The following ST18 variants were observed in gnomAD, a reference collection of about 807,000 sequenced individuals.
ST18 encodes the protein ST18 C2H2C-type zinc finger transcription factor.
ST18 carries 50 observed loss-of-function variants against 110.0 expected under a neutral mutation model. The observed-to-expected ratio is 0.45, with a 90% CI of 0.36 to 0.58. The LOEUF (loss-of-function observed/expected upper bound fraction) is 0.58. Among genes scored for constraint, ST18 ranks in the 20% least tolerant of loss-of-function variants. The pLI is 0.00. For synonymous variants in ST18, 461 were observed against 452.4 expected, an observed-to-expected ratio of 1.02 and a Z score of -0.24; for missense variants, 1,306 against 1,280.1, an observed-to-expected ratio of 1.02 and a Z score of -0.31.
chr8:52,392,320 G>C (rs1250496700), intron 2 of ST18, among the ~76,000 whole-genome samples: 2 of 152,082 alleles, frequency 1.3e-5, no homozygotes, highest in African/African-American at 4.8e-5. Flanking sequence ...TGGTGGTGGT[G>C]TTGGTGGTAG....
At chr8:52,169,506 T>C (rs1421859158) in intron 10 of ST18, among the ~76,000 whole-genome samples, 1 of 152,160 alleles carries the variant, frequency 6.6e-6, no homozygotes, top group Non-Finnish European at 1.5e-5. Flanking sequence ...ATCTGAAAGC[T>C]GGGGTAAAAT....
intron 2 of ST18, among the ~76,000 whole-genome samples, chr8:52,286,041 A>T (rs952387333): frequency 6.6e-6 from 1 of 152,200 alleles, no homozygotes; most frequent in Admixed American, 6.5e-5. Flanking sequence ...CAAGATTTTT[A>T]AAAAATCTTT....
intron 2 of ST18, chr8:52,302,037 C>A (rs371077891): frequency 6.6e-6 from 1 of 152,264 alleles, no homozygotes; most frequent in South Asian, 2.1e-4. Flanking sequence ...AGAGGGGCTG[C>A]GGGACTCCGA....
At chr8:52,283,556 A>G (rs1280840870) in intron 2 of ST18, among the ~76,000 whole-genome samples, 1 of 152,180 alleles carries the variant, frequency 6.6e-6, no homozygotes, top group Non-Finnish European at 1.5e-5. Context: ...CCAGAAGTCA[A>G]TGGTAGTGGT....
Position 52,130,062 on chromosome 8 carries a change from AAG to A in ST18, c.2666+1894_2666+1895del, listed in dbSNP as rs753697046. Among the ~76,000 whole-genome samples the A allele has an allele frequency of 5.8e-3, 819 of 141,004 alleles. 10 individuals carry two copies. The highest frequency in any genetic ancestry group is 0.019 in the African/African-American group (682 of 36,624). 92.5% of individuals were successfully genotyped at this position (141,004 alleles called of 152,430 possible). ...CTCTGTTTCAAAAAAGAAAGAAAGA[AAG>A]AGAGAGAGAGAGAGAGAGAGAAAGA... On this transcript the variant is annotated intron_variant, in intron 22 of 25. Coordinates refer to ENST00000689386, the MANE Select transcript of ST18 (RefSeq NM_001352837.2).
At chr8:52,202,510 G>A (rs745656910) in intron 8 of ST18, among the ~76,000 whole-genome samples, 19 of 152,120 alleles carry the variant, frequency 1.2e-4, no homozygotes, top group Non-Finnish European at 2.2e-4. Context: ...CTTCTGAATG[G>A]GTGGACAGAT....
intron 15 of ST18, among the ~76,000 whole-genome samples, chr8:52,153,141 A>G (rs2059221341): frequency 6.6e-6 from 1 of 152,272 alleles, no homozygotes; most frequent in Non-Finnish European, 1.5e-5. Context: ...GTGGTCACAC[A>G]TTCAAAGTTT....
chr8:52,185,626 T>C (rs954454270), intron 8 of ST18, among the ~76,000 whole-genome samples: 11 of 152,024 alleles, frequency 7.2e-5, no homozygotes, highest in Admixed American at 4.6e-4. Context: ...GGTCCAGAAA[T>C]AGACCCACAC....
At chr8:52,280,726 C>T (rs1292388828) in intron 2 of ST18, among the ~76,000 whole-genome samples, 5 of 151,884 alleles carry the variant, frequency 3.3e-5, no homozygotes, top group Non-Finnish European at 7.4e-5. Flanking sequence ...AGTCTTAAAA[C>T]ATGTAAAGCA....
intron 2 of ST18, among the ~76,000 whole-genome samples, chr8:52,262,250 G>A (rs996752447): frequency 6.6e-6 from 1 of 152,156 alleles, no homozygotes; most frequent in Non-Finnish European, 1.5e-5. Context: ...CCTCTCAAAG[G>A]CCTCAACTAT....
At chr8:52,363,357 A>T (rs1414695391) in intron 2 of ST18, among the ~76,000 whole-genome samples, 1 of 152,172 alleles carries the variant, frequency 6.6e-6, no homozygotes, top group Non-Finnish European at 1.5e-5. Context: ...GAATCAGCCC[A>T]TTTGGGGGTT....
intron 7 of ST18, among the ~76,000 whole-genome samples, chr8:52,213,921 T>A (rs117740316): frequency 5.1e-4 from 77 of 152,340 alleles, no homozygotes; most frequent in Non-Finnish European, 9.9e-4. Context: ...CATCCCTCAC[T>A]TGCTGAACCT....
chr8:52,258,941 C>T (rs1254239113), intron 2 of ST18, among the ~76,000 whole-genome samples: 1 of 152,124 alleles, frequency 6.6e-6, no homozygotes, highest in Admixed American at 6.5e-5. Context: ...TGGTGTAACC[C>T]CTAGGGAGAC....
intron 2 of ST18, among the ~76,000 whole-genome samples, chr8:52,377,504 C>T (rs1403820045): frequency 6.6e-6 from 1 of 152,158 alleles, no homozygotes; most frequent in Non-Finnish European, 1.5e-5. Flanking sequence ...TGAAAAAATG[C>T]TCAGCATCAC....
chr8:52,221,273 C>T (rs769777423), intron 4 of ST18, among the ~76,000 whole-genome samples: 10 of 152,122 alleles, frequency 6.6e-5, no homozygotes, highest in African/African-American at 1.2e-4. Context: ...TATACTCAAG[C>T]GGTCACAAAA....
At chr8:52,206,863 G>A (rs892283162) in intron 8 of ST18, 2 of 152,158 alleles carry the variant, frequency 1.3e-5, no homozygotes, top group Non-Finnish European at 2.9e-5. Flanking sequence ...GGAAAGAAGA[G>A]AGTTTCTCCC....
intron 15 of ST18, among the ~76,000 whole-genome samples, chr8:52,151,446 C>T (rs1285600302): frequency 6.6e-6 from 1 of 152,154 alleles, no homozygotes; most frequent in Non-Finnish European, 1.5e-5. Context: ...TTTAATCTCT[C>T]GTGATAGTTT....
At chr8:52,198,544 C>T (rs991361587) in intron 8 of ST18, among the ~76,000 whole-genome samples, 11 of 152,130 alleles carry the variant, frequency 7.2e-5, no homozygotes, top group African/African-American at 2.7e-4. Context: ...TAACAGAACT[C>T]GCTAACATAC....
chr8:52,128,076 C>T (rs1282558679), intron 22 of ST18, among the ~76,000 whole-genome samples: 2 of 152,002 alleles, frequency 1.3e-5, no homozygotes, highest in African/African-American at 2.4e-5. Context: ...TCAAGAAATT[C>T]TCCTGCCTCA....
Sources: gnomAD v4.1 joint callset for allele counts (sites outside exome capture counted in the v4.1 genomes callset) on GRCh38, gnomAD v4.1.1 for gene constraint, MANE v1.5 for transcripts, NCBI Gene and HGNC (gene_info 2026-07-23, HGNC 2026-07-21) for gene names.